Variants in VPS13B observed in about 807,000 individuals in gnomAD.
VPS13B encodes the protein intermembrane lipid transfer protein VPS13B.
VPS13B carries 285 observed loss-of-function variants against 426.4 expected under a neutral mutation model. The observed-to-expected ratio is 0.67, with a 90% confidence interval of 0.61 to 0.74. VPS13B has a LOEUF of 0.74. Among genes scored for constraint, VPS13B ranks in the 30% least tolerant of loss-of-function variants. VPS13B has a pLI of 0.00. For missense variants in VPS13B, 4,537 were observed against 4,782.6 expected (o/e 0.95, Z 1.51); for synonymous variants, 1,676 against 1,676.4 (o/e 1.00, Z 0.01).
At chr8:99,273,441 C>T (rs894306970) in intron 17 of VPS13B, among the ~76,000 whole-genome samples, 20 of 151,894 alleles carry the variant, frequency 1.3e-4, no homozygotes, top group Non-Finnish European at 2.8e-4. Flanking sequence ...GCTGGGATTA[C>T]AGGCGTGAGT....
chr8:99,481,673 C>A lies in VPS13B; in HGVS notation c.3741C>A (p.Asn1247Lys). 6.2e-7 allele frequency: 1 copy of A among 1,613,992 alleles called. No individual in the cohort carries two copies. Among genetic ancestry groups the A allele is most frequent in the East Asian group, 2.2e-5 (1 of 44,870 alleles). Residue 1247 changes from asparagine to lysine, a missense_variant, in exon 25 of 62, where the codon AAC becomes AAA. By Grantham distance (94) the Asn-to-Lys change is moderately conservative. This residue lies in a region of VPS13B where 4,311 missense variants were observed against 4,474.3 expected (regional missense o/e 0.96). Transcript: ENST00000357162. ...AGATTCAGAAGAGAGGCAATCTCAA[C>A]CTATCTCCAACCTCTCCAGAGACCA... ...WNKIQKRGNL[N>K]LSPTSPETMA...
chr8:99,029,044 T>A (rs1842344541), intron 2 of VPS13B, among the ~76,000 whole-genome samples: 1 of 132,300 alleles, frequency 7.6e-6, no homozygotes, highest in Non-Finnish European at 1.6e-5. Context: ...AGGCAGAGGG[T>A]TTCCTCACTT....
At chr8:99,358,882 A>C (rs1185678486) in intron 19 of VPS13B, among the ~76,000 whole-genome samples, 1 of 152,194 alleles carries the variant, frequency 6.6e-6, no homozygotes, top group Admixed American at 6.5e-5. Flanking sequence ...TTGGGTACTG[A>C]TTACTATTGA....
chr8:99,397,033 G>T (rs557597238), intron 21 of VPS13B, among the ~76,000 whole-genome samples: 1 of 152,192 alleles, frequency 6.6e-6, no homozygotes, highest in East Asian at 1.9e-4. Context: ...ATCTTAAAAA[G>T]TACATTGTTT....
At chr8:99,245,623 C>T (rs186799368) in intron 17 of VPS13B, among the ~76,000 whole-genome samples, 26 of 152,170 alleles carry the variant, frequency 1.7e-4, no homozygotes, top group Non-Finnish European at 2.1e-4. Context: ...TACAGTGGTG[C>T]GATCTTGGCT....
At chr8:99,526,657 G>T (rs1027354599) in intron 30 of VPS13B, among the ~76,000 whole-genome samples, 1 of 152,180 alleles carries the variant, frequency 6.6e-6, no homozygotes, top group Non-Finnish European at 1.5e-5. Context: ...TGTTTTGGAG[G>T]ATTGGGTGGG....
intron 4 of VPS13B, among the ~76,000 whole-genome samples, chr8:99,098,343 TAC>T (rs140782803): frequency 2.0e-5 from 3 of 151,942 alleles, no homozygotes; most frequent in Admixed American, 2.0e-4. Flanking sequence ...TTTCTTCCTT[TAC>T]ACACACACAC....
intron 17 of VPS13B, chr8:99,233,163 G>A (rs1021445825): frequency 5.7e-6 from 8 of 1,399,668 alleles, no homozygotes; most frequent in South Asian, 1.2e-5. Flanking sequence ...AGAAGTGCCC[G>A]ATAATTCTGA....
chr8:99,548,405 A>G (rs999498913), intron 30 of VPS13B, among the ~76,000 whole-genome samples: 10 of 151,962 alleles, frequency 6.6e-5, no homozygotes, highest in African/African-American at 2.4e-4. Flanking sequence ...GTCTGTAACT[A>G]TTTACCAAAA....
At chr8:99,420,027 T>C (rs747865536) in intron 21 of VPS13B, among the ~76,000 whole-genome samples, 1 of 152,216 alleles carries the variant, frequency 6.6e-6, no homozygotes, top group African/African-American at 2.4e-5. Context: ...AGTATCCTAT[T>C]AGAAGTCATC....
intron 20 of VPS13B, among the ~76,000 whole-genome samples, chr8:99,390,425 A>G (rs1015938798): frequency 1.3e-5 from 2 of 151,778 alleles, no homozygotes; most frequent in East Asian, 3.9e-4. Context: ...CCTTTTTTTT[A>G]CTCAGTGTGA....
Position 99,028,673 on chromosome 8 carries a change from A to AC in VPS13B, c.148-9743dup, listed in dbSNP as rs544813056. Among the ~76,000 whole-genome samples the AC allele has an allele frequency of 3.2e-3, 191 of 59,716 alleles. 1 individual carries two copies. The highest frequency in any genetic ancestry group is 0.011 in the African/African-American group (178 of 16,828). 39.2% of individuals were successfully genotyped at this position (59,716 alleles called of 152,430 possible). On this transcript the variant is annotated intron_variant, in intron 2 of 61. Coordinates refer to ENST00000357162, the MANE Select transcript of VPS13B (RefSeq NM_152564.5). ...GGGTGGCTGGCCAGGTGGGGGGCTGACCCCCCCACCTCCCTCCCGGACGGG... is the reference window on the plus strand; with the variant it reads ...GGGTGGCTGGCCAGGTGGGGGGCTGACCCCCCCCACCTCCCTCCCGGACGGG...
Position 99,875,646 on chromosome 8 carries a change from CTGAGGAAAGGGTTTCCT to C in VPS13B, c.11979_*1del. On this transcript the variant is annotated frameshift_variant, in exon 62 of 62. Coordinates refer to ENST00000357162, the MANE Select transcript of VPS13B (RefSeq NM_152564.5). LOFTEE classifies it high-confidence loss of function. ...ATTTACCATGGTGAAAAATAAAGCCCTGAGGAAAGGGTTTCCTTGAGTCCCCTCTGAGGTGTTTATTC... is the reference window on the plus strand; with the variant it reads ...ATTTACCATGGTGAAAAATAAAGCCCTGAGTCCCCTCTGAGGTGTTTATTC... 6.2e-7 allele frequency: 1 copy of C among 1,614,162 alleles called. No homozygotes were observed.
chr8:99,699,382 A>G lies in VPS13B; in HGVS notation c.6047-143A>G, dbSNP rs1225335051. On this transcript the variant is annotated intron_variant, in intron 35 of 61. Transcript: ENST00000357162. ...TGGAAAGAATCGTTAAGTGATGAGTAAGAGATATATCATGTTCAGGCATCC... is the reference window on the plus strand; with the variant it reads ...TGGAAAGAATCGTTAAGTGATGAGTGAGAGATATATCATGTTCAGGCATCC... 5 of 850,972 alleles carry G rather than the reference A, an allele frequency of 5.9e-6. No homozygotes were observed. The East Asian group carries it at 1.3e-4, about 23-fold the overall frequency. The allele number at this position is 850,972 out of a possible 1,614,324, so 52.7% of individuals were successfully genotyped here. A position where few individuals can be genotyped will look rare whatever the true frequency, so the allele number is the denominator to read the frequency against.
intron 8 of VPS13B, among the ~76,000 whole-genome samples, chr8:99,128,078 T>C (rs751575749): frequency 1.5e-4 from 23 of 152,054 alleles, no homozygotes; most frequent in Non-Finnish European, 2.4e-4. Flanking sequence ...ACACTAAAGC[T>C]CATTAAGTGG....
chr8:99,834,724 A>C (rs1386002745), intron 52 of VPS13B, among the ~76,000 whole-genome samples: 1 of 152,024 alleles, frequency 6.6e-6, no homozygotes, highest in Non-Finnish European at 1.5e-5. Flanking sequence ...GCACCTGGCT[A>C]ATTTTTGTAT....
chr8:99,302,905 C>T (rs866588517), intron 19 of VPS13B, among the ~76,000 whole-genome samples: 66 of 152,064 alleles, frequency 4.3e-4, no homozygotes, highest in African/African-American at 1.5e-3. Context: ...ATCCTAGAGT[C>T]AAAAAATCCT....
chr8:99,147,954 T>A lies in VPS13B; in HGVS notation c.1957T>A (p.Ser653Thr). 6.2e-7 allele frequency: 1 copy of A among 1,613,920 alleles called. No homozygotes were observed. Among genetic ancestry groups the A allele is most frequent in the Non-Finnish European group, 8.5e-7 (1 of 1,179,902 alleles). Residue 653 changes from serine (S) to threonine (T), a missense_variant, in exon 14 of 62, where the codon TCC (serine) becomes ACC (threonine). Ser to Thr is a moderately conservative substitution (Grantham distance 58). Around this residue, in one of 2 missense-constraint regions of VPS13B, gnomAD observed 4,311 missense variants for 4,474.3 expected, o/e 0.96. Coordinates refer to ENST00000357162, the MANE Select transcript of VPS13B (RefSeq NM_152564.5). ...TCTCCTCAAATGTACCTGCACAATT[T>A]CCATGGCTGAATTCAACTTGCTGGA... ...VTLLKCTCTI[S>T]MAEFNLLDHL...
chr8:99,389,536 G>A (rs562150539), intron 20 of VPS13B: 180 of 152,164 alleles, frequency 1.2e-3, no homozygotes, highest in African/African-American at 4.1e-3. Flanking sequence ...TGCTATATAT[G>A]TTATTCTTAC....
Sources: gnomAD v4.1 joint callset for allele counts (sites outside exome capture counted in the v4.1 genomes callset) on GRCh38, gnomAD v4.1.1 for gene constraint, gnomAD v4.1.1 regional missense constraint, MANE v1.5 for transcripts, NCBI Gene and HGNC (gene_info 2026-07-23, HGNC 2026-07-21) for gene names.